HDAC8: variants seen among roughly 807,000 people sequenced by gnomAD.
HDAC8 encodes the protein histone deacetylase 8, also known as histone deacetylase-like 1.
A neutral mutation model predicts 32.2 loss-of-function variants in HDAC8; 1 was observed. The observed-to-expected ratio is 0.03, with a 90% CI of 0.01 to 0.15. The LOEUF (loss-of-function observed/expected upper bound fraction) is 0.15, where lower values mean the gene tolerates loss of function less well. HDAC8 is among the 10% of genes least tolerant of loss of function. The pLI, the probability that HDAC8 is intolerant of heterozygous loss-of-function variation, is 1.00. For synonymous variants in HDAC8, 108 were observed against 113.9 expected, an observed-to-expected ratio of 0.95 and a Z score of 0.33; for missense variants, 117 against 300.0, an observed-to-expected ratio of 0.39 and a Z score of 4.51.
chrX:72,411,837 T>C (rs1363028596), intron 9 of HDAC8, among the ~76,000 whole-genome samples: 2 of 112,041 alleles, frequency 1.8e-5, no homozygotes, highest in African/African-American at 6.5e-5. Flanking sequence ...TCGCCAAAGC[T>C]TGGGCCAATG....
intron 4 of HDAC8, among the ~76,000 whole-genome samples, chrX:72,514,546 C>A (rs937270891): frequency 8.9e-5 from 10 of 112,356 alleles, no homozygotes; most frequent in Non-Finnish European, 1.9e-4. Flanking sequence ...AATCCCAATA[C>A]ATAAAACAAA....
intron 9 of HDAC8, among the ~76,000 whole-genome samples, chrX:72,383,656 G>T (rs1447997964): frequency 1.8e-5 from 2 of 110,555 alleles, no homozygotes; most frequent in Admixed American, 1.9e-4. Flanking sequence ...GGATCACGAG[G>T]TCAGGAGATC....
chrX:72,435,875 C>T (rs1017420055), intron 9 of HDAC8, among the ~76,000 whole-genome samples: 8 of 111,151 alleles, frequency 7.2e-5, no homozygotes, highest in South Asian at 3.8e-4. Context: ...GGCTGAAGCA[C>T]GAGAATCACT....
At chrX:72,470,442 C>T (rs968727287) in intron 7 of HDAC8, among the ~76,000 whole-genome samples, 1 of 111,215 alleles carries the variant, frequency 9.0e-6, no homozygotes, top group East Asian at 2.8e-4. Flanking sequence ...TTAATTTATC[C>T]CTGTGAGCAC....
intron 9 of HDAC8, among the ~76,000 whole-genome samples, chrX:72,436,102 A>G (rs2147962364): frequency 8.9e-6 from 1 of 111,756 alleles, no homozygotes; most frequent in Admixed American, 9.5e-5. Context: ...AAGATCAAAC[A>G]TATTTGTCTT....
rs781825606 is a variant in HDAC8, at chrX:72,568,727, C to T, written c.295+27G>A. On this transcript the variant is annotated intron_variant, in intron 3 of 10. Coordinates refer to ENST00000373573, the MANE Select transcript of HDAC8 (RefSeq NM_018486.3). ...ATAAAAAAAATTAGTCTGTCCATCT[C>T]CCATCACTGCCTGGTAATGACTTTA... 5.8e-6 allele frequency: 7 copies of T among 1,205,364 alleles called. No homozygotes were observed. In the East Asian group the frequency reaches 1.8e-4, roughly 31 times the overall value.
intron 4 of HDAC8, among the ~76,000 whole-genome samples, chrX:72,538,253 G>A (rs1243999073): frequency 3.8e-5 from 4 of 104,920 alleles, no homozygotes; most frequent in Non-Finnish European, 7.8e-5. Context: ...GCACCATCTC[G>A]GCTCACTGCA....
chrX:72,336,458 A>G (rs1325167036), intron 10 of HDAC8, among the ~76,000 whole-genome samples: 1 of 112,886 alleles, frequency 8.9e-6, no homozygotes, highest in Non-Finnish European at 1.9e-5. Context: ...TCAACTTACA[A>G]TGGATTTATT....
chrX:72,522,574 C>G (rs1477947956), intron 4 of HDAC8, among the ~76,000 whole-genome samples: 1 of 112,225 alleles, frequency 8.9e-6, no homozygotes, highest in Non-Finnish European at 1.9e-5. Flanking sequence ...TAAACAGAGT[C>G]ATTGCCAGTG....
At chrX:72,350,196 G>A (rs2044137698) in intron 10 of HDAC8, among the ~76,000 whole-genome samples, 1 of 111,473 alleles carries the variant, frequency 9.0e-6, no homozygotes, top group South Asian at 3.9e-4. Flanking sequence ...ACTGAGAGGT[G>A]AGAGGGAGTT....
chrX:72,388,733 G>C (rs1358967651), intron 9 of HDAC8, among the ~76,000 whole-genome samples: 2 of 110,556 alleles, frequency 1.8e-5, no homozygotes, highest in Admixed American at 9.7e-5. Flanking sequence ...AGTAATTAAG[G>C]TTAAATAAGG....
intron 4 of HDAC8, among the ~76,000 whole-genome samples, chrX:72,543,828 C>G (rs782751040): frequency 5.4e-4 from 61 of 112,742 alleles, no homozygotes; most frequent in Non-Finnish European, 1.0e-3. Flanking sequence ...CACGCTCCAT[C>G]AGATTACAAG....
chrX:72,466,654 C>T (rs1488541925), intron 7 of HDAC8: 2 of 112,127 alleles, frequency 1.8e-5, no homozygotes, highest in Non-Finnish European at 3.8e-5. Context: ...AATAGTTTGG[C>T]AGTTCCTGTT....
chrX:72,365,643 G>C (rs1435278605), intron 9 of HDAC8, among the ~76,000 whole-genome samples: 1 of 111,946 alleles, frequency 8.9e-6, no homozygotes, highest in Non-Finnish European at 1.9e-5. Flanking sequence ...CTGTAAACAA[G>C]TCATCAAAAA....
chrX:72,526,280 CT>C lies in HDAC8; in HGVS notation c.438-31013del, dbSNP rs1160557613. 1.4e-3 allele frequency among the ~76,000 whole-genome samples: 154 copies of C among 107,073 alleles called. 1 individual carries two copies. In the Middle Eastern group the frequency reaches 0.019, roughly 13 times the overall value. The allele number at this position is 107,073 out of a possible 115,157, so 93.0% of individuals were successfully genotyped here. ...TTTTGCCTGGAATGCTCTACCCTCT[CT>C]TTTTTTTTTACTTGATTAACTCCTA... On this transcript the variant is annotated intron_variant, in intron 4 of 10. Transcript: ENST00000373573.
chrX:72,420,890 GT>G (rs1301930731), intron 9 of HDAC8, among the ~76,000 whole-genome samples: 81 of 107,190 alleles, frequency 7.6e-4, no homozygotes, highest in African/African-American at 2.3e-3. Flanking sequence ...GTTGGATTAT[GT>G]TTTTTTTTTA....
At chrX:72,338,787 G>A (rs1024738782) in intron 10 of HDAC8, among the ~76,000 whole-genome samples, 1 of 103,376 alleles carries the variant, frequency 9.7e-6, no homozygotes, top group Non-Finnish European at 2.0e-5. Context: ...AGTGGCTCAC[G>A]CCTGTAATCC....
At chrX:72,467,671 CTG>C in intron 7 of HDAC8, 35 of 258,715 alleles carry the variant, frequency 1.4e-4, no homozygotes, top group Non-Finnish European at 1.8e-4. Flanking sequence ...ATGTGTGCAT[CTG>C]TGTGTGTGTG....
intron 10 of HDAC8, among the ~76,000 whole-genome samples, chrX:72,344,915 A>G (rs2147717295): frequency 8.9e-6 from 1 of 111,961 alleles, no homozygotes; most frequent in East Asian, 2.8e-4. Flanking sequence ...CTCTAATTTC[A>G]GAACCTAGAA....
Sources: gnomAD v4.1 joint callset for allele counts (sites outside exome capture counted in the v4.1 genomes callset) on GRCh38, gnomAD v4.1.1 for gene constraint, MANE v1.5 for transcripts, NCBI Gene and HGNC (gene_info 2026-07-23, HGNC 2026-07-21) for gene names.